PTPRT: variants seen among roughly 807,000 people sequenced by gnomAD.
PTPRT encodes the protein receptor-type tyrosine-protein phosphatase T.
In PTPRT, 56 loss-of-function variants were observed where a neutral mutation model predicts 176.8. The observed-to-expected ratio is 0.32, with a 90% CI of 0.26 to 0.40. PTPRT has a LOEUF of 0.40. Among genes scored for constraint, PTPRT ranks in the 10% least tolerant of loss-of-function variants. The pLI is 1.00. For missense variants in PTPRT, 1,540 were observed against 1,908.2 expected, an observed-to-expected ratio of 0.81 and a Z score of 3.60; for synonymous variants, 783 against 739.0, an observed-to-expected ratio of 1.06 and a Z score of -0.96.
At chr20:42,722,636 G>A (rs1201254420) in intron 6 of PTPRT, among the ~76,000 whole-genome samples, 1 of 152,170 alleles carries the variant, frequency 6.6e-6, no homozygotes, top group South Asian at 2.1e-4. Flanking sequence ...GTAGGAGAAT[G>A]TCTTCATCTA....
At chr20:42,974,872 A>G (rs1982853017) in intron 1 of PTPRT, among the ~76,000 whole-genome samples, 1 of 152,204 alleles carries the variant, frequency 6.6e-6, no homozygotes, top group Non-Finnish European at 1.5e-5. Flanking sequence ...TTCGTTCCAA[A>G]TCAGAAATGT....
chr20:42,720,264 T>A (rs2076284978), intron 6 of PTPRT, among the ~76,000 whole-genome samples: 1 of 152,206 alleles, frequency 6.6e-6, no homozygotes, highest in Admixed American at 6.5e-5. Context: ...ATCATGTGTA[T>A]CCCTTAGCAG....
chr20:42,699,361 G>A (rs572794557), intron 6 of PTPRT, among the ~76,000 whole-genome samples: 1 of 152,184 alleles, frequency 6.6e-6, no homozygotes, highest in Non-Finnish European at 1.5e-5. Context: ...AGCCTTCTAG[G>A]AGACCAGCAG....
At chr20:43,057,899 G>A (rs966680153) in intron 1 of PTPRT, among the ~76,000 whole-genome samples, 3 of 152,188 alleles carry the variant, frequency 2.0e-5, no homozygotes, top group African/African-American at 4.8e-5. Context: ...TGGAGGTCAG[G>A]AGCCAAGTCA....
intron 7 of PTPRT, among the ~76,000 whole-genome samples, chr20:42,636,658 G>A (rs576589557): frequency 6.6e-6 from 1 of 152,138 alleles, no homozygotes; most frequent in African/African-American, 2.4e-5. Context: ...GGTGACGCAT[G>A]CTTGTAATCT....
At chr20:42,268,617 T>G (rs1241188834) in intron 13 of PTPRT, among the ~76,000 whole-genome samples, 2 of 152,208 alleles carry the variant, frequency 1.3e-5, no homozygotes, top group East Asian at 3.8e-4. Flanking sequence ...CACACAACAT[T>G]CCTAGCATTT....
At chr20:42,967,068 C>G (rs761685301) in intron 1 of PTPRT, among the ~76,000 whole-genome samples, 1 of 152,162 alleles carries the variant, frequency 6.6e-6, no homozygotes, top group Admixed American at 6.5e-5. Context: ...CTTTAGCAGA[C>G]GATGAGTTTA....
chr20:42,746,246 C>T (rs1199658509), intron 6 of PTPRT, among the ~76,000 whole-genome samples: 1 of 152,134 alleles, frequency 6.6e-6, no homozygotes, highest in African/African-American at 2.4e-5. Context: ...TAATATCTCC[C>T]GGTTAGCCTC....
At chr20:42,202,043 C>T (rs1991474987) in intron 15 of PTPRT, among the ~76,000 whole-genome samples, 1 of 151,824 alleles carries the variant, frequency 6.6e-6, no homozygotes. Context: ...GATTTCAGCT[C>T]ACTGCAGCCT....
At chr20:43,091,528 CT>C (rs2011870527) in intron 1 of PTPRT, among the ~76,000 whole-genome samples, 1 of 151,266 alleles carries the variant, frequency 6.6e-6, no homozygotes, top group African/African-American at 2.4e-5. Context: ...CTTTCTCTCT[CT>C]CTCTCTCTCA....
At chr20:42,128,953 C>T in intron 18 of PTPRT, 123 bp from the exon 19 acceptor site, 1 of 655,612 alleles carries the variant, frequency 1.5e-6, no homozygotes, top group Non-Finnish European at 2.3e-6. Flanking sequence ...TCATTTAACT[C>T]TCAACACCAC....
intron 13 of PTPRT, among the ~76,000 whole-genome samples, chr20:42,267,994 G>C (rs962506110): frequency 7.9e-5 from 12 of 152,138 alleles, no homozygotes; most frequent in Admixed American, 2.0e-4. Context: ...GCATTGCTGA[G>C]AGCTGAACTC....
chr20:42,219,453 G>A (rs866196432), intron 15 of PTPRT, among the ~76,000 whole-genome samples: 1 of 152,172 alleles, frequency 6.6e-6, no homozygotes, highest in African/African-American at 2.4e-5. Flanking sequence ...TAGATAGGGG[G>A]TTGTCCATTC....
At chr20:42,965,845 A>C (rs558189199) in intron 1 of PTPRT, among the ~76,000 whole-genome samples, 1 of 152,364 alleles carries the variant, frequency 6.6e-6, no homozygotes, top group African/African-American at 2.4e-5. Flanking sequence ...ATCCTGAAAA[A>C]GCAATCCTAA....
chr20:42,624,005 C>CAAAAAAAAAAAAAAAAAAAAAAAAAAA (rs1159094345), intron 7 of PTPRT, among the ~76,000 whole-genome samples: 5 of 135,742 alleles, frequency 3.7e-5, no homozygotes, highest in Admixed American at 7.0e-5. Flanking sequence ...AAAACAATAG[C>CAAAAAAAAAAAAAAAAAAAAAAAAAAA]AACAAACAAA....
the PTPRT span, among the ~76,000 whole-genome samples, chr20:42,065,211 T>A: frequency 1.3e-5 from 2 of 152,190 alleles, no homozygotes; most frequent in African/African-American, 2.4e-5. Context: ...CACAAAATTA[T>A]GAAAAAATAA....
At chr20:42,940,785 A>C (rs973204348) in intron 1 of PTPRT, among the ~76,000 whole-genome samples, 1 of 152,102 alleles carries the variant, frequency 6.6e-6, no homozygotes, top group Non-Finnish European at 1.5e-5. Flanking sequence ...TCAGCACACA[A>C]AAAAATAGGA....
At chr20:43,158,239 A>C (rs942115017) in intron 1 of PTPRT, among the ~76,000 whole-genome samples, 3 of 152,198 alleles carry the variant, frequency 2.0e-5, no homozygotes, top group African/African-American at 7.2e-5. Context: ...GACTAGGGCA[A>C]CTTGGCCAGG....
At position 42,871,593 on chromosome 20, in the gene PTPRT, T is replaced by C. The variant is rs567106351; in HGVS notation, c.214+14214A>G. Among the ~76,000 whole-genome samples the C allele has an allele frequency of 2.6e-5, 4 of 152,346 alleles. No individual in the cohort carries two copies. In the East Asian group the frequency reaches 7.7e-4, roughly 29 times the overall value. On this transcript the variant is annotated intron_variant, in intron 2 of 30. Transcript: ENST00000373187. ...AAAACTTTCTACCTACATTTTCTTC[T>C]AGGGGTTTTACAGTTTTCACTCTCA...
Sources: allele counts gnomAD v4.1 joint callset (sites outside exome capture counted in the v4.1 genomes callset), GRCh38; gene constraint gnomAD v4.1.1; transcripts MANE v1.5; gene names NCBI Gene and HGNC (gene_info 2026-07-23, HGNC 2026-07-21).